Variants in NCAM2 observed in about 807,000 individuals in gnomAD.
NCAM2 encodes neural cell adhesion molecule 2.
Under a neutral mutation model 98.1 loss-of-function variants are expected in NCAM2, and 30 were observed. That is an observed-to-expected ratio of 0.31 (90% CI 0.23 to 0.41). The LOEUF (loss-of-function observed/expected upper bound fraction) is 0.41, where lower values mean the gene tolerates loss of function less well. Among genes scored for constraint, NCAM2 ranks in the 10% least tolerant of loss-of-function variants. The pLI is 1.00. For missense variants in NCAM2, 867 were observed against 1,005.8 expected (o/e 0.86, Z 1.87); for synonymous variants, 368 against 342.4 (o/e 1.07, Z -0.83).
chr21:21,515,851 T>C (rs1173431130), intron 16 of NCAM2, among the ~76,000 whole-genome samples: 1 of 152,180 alleles, frequency 6.6e-6, no homozygotes. Context: ...CTTATTAAAT[T>C]TTATCATTTA....
At chr21:21,042,556 C>T (rs1230684793) in intron 1 of NCAM2, among the ~76,000 whole-genome samples, 2 of 152,088 alleles carry the variant, frequency 1.3e-5, no homozygotes, top group Non-Finnish European at 2.9e-5. Flanking sequence ...TATTAATGTA[C>T]AAAAATCTCA....
intron 12 of NCAM2, among the ~76,000 whole-genome samples, chr21:21,439,012 A>G (rs751906279): frequency 2.8e-4 from 43 of 152,254 alleles, no homozygotes; most frequent in African/African-American, 7.7e-4. Context: ...CTTGAGCCCA[A>G]GAGTTTAAGG....
At chr21:21,238,283 C>T (rs533383298) in intron 1 of NCAM2, among the ~76,000 whole-genome samples, 2 of 151,868 alleles carry the variant, frequency 1.3e-5, no homozygotes, top group East Asian at 3.9e-4. Flanking sequence ...TTTTAATTTG[C>T]CTTAAGAACT....
intron 1 of NCAM2, among the ~76,000 whole-genome samples, chr21:21,047,881 C>G (rs1218432201): frequency 1.3e-5 from 2 of 152,142 alleles, no homozygotes; most frequent in African/African-American, 2.4e-5. Flanking sequence ...AAATTCTCAT[C>G]ACATGGATTT....
rs2064514736 is a variant in NCAM2 at position 21,025,038 on chromosome 21, C to G, written c.55+26420C>G. Among the ~76,000 whole-genome samples the G allele has an allele frequency of 2.0e-5, 3 of 152,088 alleles. No individual in the cohort carries two copies. The South Asian group carries it at 6.2e-4, about 32-fold the overall frequency. On this transcript the variant is annotated intron_variant, in intron 1 of 17. Transcript: ENST00000400546. ...GTTTGCATTCTTTCCTCTAAATACA[C>G]ACTATGGTCTTTTATTACAAAGGAA... is the stretch of plus-strand genomic sequence containing the variant.
intron 9 of NCAM2, among the ~76,000 whole-genome samples, chr21:21,380,828 C>G (rs1486173067): frequency 6.6e-6 from 1 of 152,164 alleles, no homozygotes; most frequent in Non-Finnish European, 1.5e-5. Context: ...GTAAAGGTGT[C>G]AGTATCTTTG....
chr21:21,129,429 G>T (rs1178707016), intron 1 of NCAM2, among the ~76,000 whole-genome samples: 1 of 152,102 alleles, frequency 6.6e-6, no homozygotes, highest in African/African-American at 2.4e-5. Flanking sequence ...TAAGTTGCTT[G>T]CAAATTCTGT....
At chr21:21,257,789 G>T (rs936976296) in intron 1 of NCAM2, among the ~76,000 whole-genome samples, 2 of 152,094 alleles carry the variant, frequency 1.3e-5, no homozygotes, top group Non-Finnish European at 2.9e-5. Flanking sequence ...CACCATGTTG[G>T]CCAAGCTGCT....
At position 21,224,746 on chromosome 21, in the gene NCAM2, A is replaced by C. The variant is rs911382462; in HGVS notation, c.56-55832A>C. On this transcript the variant is annotated intron_variant, in intron 1 of 17. Coordinates refer to ENST00000400546, the MANE Select transcript of NCAM2 (RefSeq NM_004540.5). ...ATATTGGGAAGCCTATTGTAAAATT[A>C]ATAGATTTTAATGTTATATGTAGAA... Among the ~76,000 whole-genome samples, 6 of 152,164 alleles carry C rather than the reference A, an allele frequency of 3.9e-5. No individual in the cohort carries two copies. In the South Asian group the frequency reaches 1.0e-3, roughly 26 times the overall value.
intron 1 of NCAM2, among the ~76,000 whole-genome samples, chr21:21,267,051 A>G (rs1161546493): frequency 6.6e-6 from 1 of 152,096 alleles, no homozygotes; most frequent in African/African-American, 2.4e-5. Context: ...TCTCCCACCA[A>G]GGAGATATCT....
intron 9 of NCAM2, among the ~76,000 whole-genome samples, chr21:21,386,331 A>G (rs1425911688): frequency 6.6e-6 from 1 of 152,190 alleles, no homozygotes. Context: ...CACACATTTT[A>G]TATCTGTGAT....
intron 9 of NCAM2, among the ~76,000 whole-genome samples, chr21:21,390,597 G>A (rs2076359932): frequency 2.0e-5 from 3 of 151,922 alleles, no homozygotes; most frequent in Non-Finnish European, 4.4e-5. Flanking sequence ...AGTGAACATC[G>A]TTTTAAAAAG....
At chr21:21,029,852 A>C (rs751895672) in intron 1 of NCAM2, among the ~76,000 whole-genome samples, 15 of 151,992 alleles carry the variant, frequency 9.9e-5, no homozygotes, top group Admixed American at 3.9e-4. Context: ...GGATGGTCTC[A>C]ATCTCCTGAC....
At chr21:21,098,954 T>C (rs771591631) in intron 1 of NCAM2, among the ~76,000 whole-genome samples, 4 of 151,842 alleles carry the variant, frequency 2.6e-5, no homozygotes, top group Admixed American at 1.3e-4. Context: ...GGATGAGTTT[T>C]GGTGAAAGCA....
rs949025655 is a variant in NCAM2 at position 21,204,053 on chromosome 21, A to G, written c.56-76525A>G. On this transcript the variant is annotated intron_variant, in intron 1 of 17. Coordinates refer to ENST00000400546, the MANE Select transcript of NCAM2 (RefSeq NM_004540.5). ...GAAGTTACTCATTCAACAAGTGTCT[A>G]TTGAGTATCAACAAGTGTCTTCTAA... is the stretch of plus-strand genomic sequence containing the variant. Among the ~76,000 whole-genome samples the G allele has an allele frequency of 8.5e-5, 13 of 152,168 alleles. 1 individual carries two copies. Among genetic ancestry groups the G allele is most frequent in the Admixed American group, 7.9e-4 (12 of 15,274 alleles).
At chr21:21,229,526 A>G (rs1225166063) in intron 1 of NCAM2, among the ~76,000 whole-genome samples, 2 of 151,500 alleles carry the variant, frequency 1.3e-5, no homozygotes, top group African/African-American at 4.8e-5. Flanking sequence ...CATACACCCA[A>G]TGGCTCAGCT....
intron 1 of NCAM2, among the ~76,000 whole-genome samples, chr21:21,073,055 T>G (rs921298453): frequency 6.6e-6 from 1 of 152,214 alleles, no homozygotes; most frequent in Non-Finnish European, 1.5e-5. Flanking sequence ...GTACTTGATG[T>G]AAGTGGAATA....
chr21:21,319,706 A>ATT (rs57536273), intron 5 of NCAM2, among the ~76,000 whole-genome samples: 120 of 150,636 alleles, frequency 8.0e-4, no homozygotes, highest in South Asian at 3.4e-3. Context: ...GTTGCCTCTT[A>ATT]TTTTTTTTTT....
intron 1 of NCAM2, among the ~76,000 whole-genome samples, chr21:21,123,520 C>A (rs2146576474): frequency 6.6e-6 from 1 of 152,194 alleles, no homozygotes; most frequent in South Asian, 2.1e-4. Flanking sequence ...AGTCTAATCC[C>A]ACCCCCGTGG....
Sources: gnomAD v4.1 joint callset for allele counts (sites outside exome capture counted in the v4.1 genomes callset) on GRCh38, gnomAD v4.1.1 for gene constraint, MANE v1.5 for transcripts, NCBI Gene and HGNC (gene_info 2026-07-23, HGNC 2026-07-21) for gene names.